Variants in CACNA2D1 observed in about 807,000 individuals in gnomAD.
The protein encoded by CACNA2D1 is voltage-dependent calcium channel subunit alpha-2/delta-1.
In CACNA2D1, 53 loss-of-function variants were observed where a neutral mutation model predicts 171.5. The observed-to-expected ratio is 0.31, with a 90% CI of 0.25 to 0.39. The LOEUF (loss-of-function observed/expected upper bound fraction) is 0.39, where lower values mean the gene tolerates loss of function less well. CACNA2D1 is among the 10% of genes least tolerant of loss of function. The pLI is 1.00. For synonymous variants in CACNA2D1, 442 were observed against 443.1 expected, an observed-to-expected ratio of 1.00 and a Z score of 0.03; for missense variants, 903 against 1,299.8, an observed-to-expected ratio of 0.69 and a Z score of 4.69.
Position 81,947,589 on chromosome 7 carries a change from A to G in CACNA2D1, c.*2803T>C, listed in dbSNP as rs1427766496. 6.6e-6 allele frequency: 1 copy of G among 151,948 alleles called. No individual in the cohort carries two copies. Among genetic ancestry groups the G allele is most frequent in the Admixed American group, 6.6e-5 (1 of 15,236 alleles). The allele number at this position is 151,948 out of a possible 1,614,324, so 9.4% of individuals were successfully genotyped here. A position where few individuals can be genotyped will look rare whatever the true frequency, so the allele number is the denominator to read the frequency against. ...CAACACCATTGCCAAGCTCACTTGA[A>G]CTCTGTTTTAGTGACTAACTACACT... is the stretch of plus-strand genomic sequence containing the variant. On this transcript the variant is annotated 3_prime_UTR_variant, in exon 39 of 39. Transcript: ENST00000356860.
chr7:82,073,072 C>T (rs953063583), intron 7 of CACNA2D1, among the ~76,000 whole-genome samples: 3 of 152,110 alleles, frequency 2.0e-5, no homozygotes, highest in Non-Finnish European at 4.4e-5. Flanking sequence ...CTGATGCAGG[C>T]TGGTGTTACA....
At position 81,972,984 on chromosome 7, in the gene CACNA2D1, C is replaced by T. The variant is rs1432593568; in HGVS notation, c.2054-1120G>A. 3.3e-5 allele frequency among the ~76,000 whole-genome samples: 5 copies of T among 152,028 alleles called. No homozygotes were observed. In the East Asian group the frequency reaches 9.7e-4, roughly 29 times the overall value. On this transcript the variant is annotated intron_variant, in intron 25 of 38. Transcript: ENST00000356860. ...TTTAGAAACTGAATCATTTAAAAAA[C>T]AGTTCATTTGGAAAGTAAATGTTCT...
At chr7:82,040,620 TGA>T (rs1183065687) in intron 10 of CACNA2D1, among the ~76,000 whole-genome samples, 2 of 151,946 alleles carry the variant, frequency 1.3e-5, no homozygotes, top group African/African-American at 2.4e-5. Context: ...CTGTTTTGGA[TGA>T]GAGAAAAATG....
At chr7:82,405,705 G>A (rs17156246) in intron 1 of CACNA2D1, among the ~76,000 whole-genome samples, 19,797 of 152,162 alleles carry the variant, frequency 0.13, 1,347 homozygotes, top group Middle Eastern at 0.21. Flanking sequence ...ATTATAGTTT[G>A]AGTGGTGTCT....
In CACNA2D1 at chr7:82,231,219, A is replaced by C. The variant is rs540862928; in HGVS notation, c.295-60610T>G. Among the ~76,000 whole-genome samples, 6 of 152,338 alleles carry C rather than the reference A, an allele frequency of 3.9e-5. No individual in the cohort carries two copies. The East Asian group carries it at 1.2e-3, about 29-fold the overall frequency. On this transcript the variant is annotated intron_variant, in intron 3 of 38. Coordinates refer to ENST00000356860, the MANE Select transcript of CACNA2D1 (RefSeq NM_000722.4). ...CTTGAACCAAAAGAGAAAAGAAAGC[A>C]AATGTTTACATTTACCTGCTCTGGG...
chr7:82,033,062 C>T (rs573299151), intron 11 of CACNA2D1, 161 bp from the exon 12 acceptor site: 63 of 545,978 alleles, frequency 1.2e-4, no homozygotes, highest in African/African-American at 1.1e-3. Context: ...TTCAGGCCCA[C>T]CCCCTTCACC....
At chr7:82,147,239 T>C (rs1290671336) in intron 4 of CACNA2D1, among the ~76,000 whole-genome samples, 1 of 152,062 alleles carries the variant, frequency 6.6e-6, no homozygotes. Context: ...CAATTCTTAT[T>C]AAACATTAAG....
intron 18 of CACNA2D1, among the ~76,000 whole-genome samples, chr7:82,004,110 T>C (rs2130858211): frequency 6.6e-6 from 1 of 152,260 alleles, no homozygotes; most frequent in African/African-American, 2.4e-5. Flanking sequence ...ATACACTGGA[T>C]ATACAAAGCC....
chr7:81,987,680 T>C (rs1797112485), intron 21 of CACNA2D1, among the ~76,000 whole-genome samples: 2 of 152,206 alleles, frequency 1.3e-5, no homozygotes, highest in Non-Finnish European at 2.9e-5. Context: ...TGTGAATTTG[T>C]ACAGTGATTC....
At chr7:82,378,883 T>G (rs1823327079) in intron 1 of CACNA2D1, among the ~76,000 whole-genome samples, 1 of 151,798 alleles carries the variant, frequency 6.6e-6, no homozygotes, top group Non-Finnish European at 1.5e-5. Context: ...AGGTTTTAAG[T>G]TATATTGTTC....
chr7:82,413,225 A>T (rs1827850314), intron 1 of CACNA2D1, among the ~76,000 whole-genome samples: 1 of 152,198 alleles, frequency 6.6e-6, no homozygotes, highest in Non-Finnish European at 1.5e-5. Context: ...CAATTTTTAT[A>T]TCTGTGCAAA....
At chr7:82,314,064 A>C (rs1229490131) in intron 3 of CACNA2D1, among the ~76,000 whole-genome samples, 2 of 152,194 alleles carry the variant, frequency 1.3e-5, no homozygotes, top group Admixed American at 6.5e-5. Flanking sequence ...TTCTAAAAGA[A>C]TCACATGAAT....
intron 3 of CACNA2D1, among the ~76,000 whole-genome samples, chr7:82,215,789 T>C (rs1226073083): frequency 6.6e-6 from 1 of 152,184 alleles, no homozygotes; most frequent in African/African-American, 2.4e-5. Context: ...GGAATTATTT[T>C]CTTAAATCAC....
chr7:82,285,693 A>G (rs1409640412), intron 3 of CACNA2D1, among the ~76,000 whole-genome samples: 1 of 152,136 alleles, frequency 6.6e-6, no homozygotes, highest in African/African-American at 2.4e-5. Flanking sequence ...AACGCATGGG[A>G]CAGGACTTTT....
intron 3 of CACNA2D1, among the ~76,000 whole-genome samples, chr7:82,334,030 C>T (rs1316173433): frequency 6.6e-6 from 1 of 151,984 alleles, no homozygotes; most frequent in Admixed American, 6.6e-5. Context: ...AATACATAAC[C>T]TACAAATCAA....
Position 81,991,180 on chromosome 7 carries a change from A to G in CACNA2D1, c.1796+5T>C, listed in dbSNP as rs1797506335. 5 of 1,342,242 alleles carry G rather than the reference A, an allele frequency of 3.7e-6. No homozygotes were observed. Among genetic ancestry groups the G allele is most frequent in the South Asian group, 1.2e-5 (1 of 85,624 alleles). The allele number at this position is 1,342,242 out of a possible 1,614,324, so 83.1% of individuals were successfully genotyped here. A position where few individuals can be genotyped will look rare whatever the true frequency, so the allele number is the denominator to read the frequency against. The stretch of plus-strand genomic sequence containing the variant: ...ACACAATACACATAAAATACAGTTA[A>G]TTACCTGTAATCTGTGCCATTGACA... On this transcript the variant is annotated splice_donor_5th_base_variant and intron_variant, in intron 21 of 38. Coordinates refer to ENST00000356860, the MANE Select transcript of CACNA2D1 (RefSeq NM_000722.4).
At chr7:81,980,172 CAAAAAAAAAAA>C (rs35616922) in intron 24 of CACNA2D1, among the ~76,000 whole-genome samples, 280 of 25,264 alleles carry the variant, frequency 0.011, 7 homozygotes, top group African/African-American at 0.04. Flanking sequence ...TAAAACCAAG[CAAAAAAAAAAA>C]AAAAAAAAAA....
chr7:82,253,680 A>G (rs1346908790), intron 3 of CACNA2D1, among the ~76,000 whole-genome samples: 4 of 152,186 alleles, frequency 2.6e-5, no homozygotes, highest in African/African-American at 4.8e-5. Flanking sequence ...AATAAATGTC[A>G]TGGTCCTATA....
In CACNA2D1 at chr7:81,947,691, T is replaced by C. The variant is rs1028545352; in HGVS notation, c.*2701A>G. The C allele has an allele frequency of 1.3e-5, 2 of 151,908 alleles. No individual in the cohort carries two copies. Among genetic ancestry groups the C allele is most frequent in the Non-Finnish European group, 2.9e-5 (2 of 67,858 alleles). The allele number at this position is 151,908 out of a possible 1,614,324, so 9.4% of individuals were successfully genotyped here. A position where few individuals can be genotyped will look rare whatever the true frequency, so the allele number is the denominator to read the frequency against. Reference sequence around the variant, plus strand: ...ATTGATCTGTTGTACTGTTCAGTCGTTGGAAATCAATATTAATAACAGGCT... The same window carrying C: ...ATTGATCTGTTGTACTGTTCAGTCGCTGGAAATCAATATTAATAACAGGCT... On this transcript the variant is annotated 3_prime_UTR_variant, in exon 39 of 39. Coordinates refer to ENST00000356860, the MANE Select transcript of CACNA2D1 (RefSeq NM_000722.4).
Sources: allele counts gnomAD v4.1 joint callset (sites outside exome capture counted in the v4.1 genomes callset), GRCh38; gene constraint gnomAD v4.1.1; transcripts MANE v1.5; gene names NCBI Gene and HGNC (gene_info 2026-07-23, HGNC 2026-07-21).